The following TDRD1 variants were observed in gnomAD, a reference collection of about 807,000 sequenced individuals.
The protein encoded by TDRD1 is tudor domain-containing protein 1.
TDRD1 carries 37 observed loss-of-function variants against 140.6 expected under a neutral mutation model. That is an observed-to-expected ratio of 0.26 (90% confidence interval 0.20 to 0.35). The LOEUF (loss-of-function observed/expected upper bound fraction) is 0.35, where lower values mean the gene tolerates loss of function less well. Ranked by LOEUF, TDRD1 falls within the 10% of genes least tolerant of loss-of-function variation. The pLI, the probability that TDRD1 is intolerant of heterozygous loss-of-function variation, is 1.00. For synonymous variants in TDRD1, 506 were observed against 475.7 expected (o/e 1.06, Z -0.83); for missense variants, 1,243 against 1,393.0 (o/e 0.89, Z 1.71).
At chr10:114,227,442 C>A in intron 23 of TDRD1, 143 bp downstream of exon 23, 3 of 672,454 alleles carry the variant, frequency 4.5e-6, no homozygotes, top group Non-Finnish European at 5.1e-6. Context: ...GTTCTGATTC[C>A]TGTGGCTGCC....
chr10:114,217,831 A>T (rs1413941236), intron 17 of TDRD1, among the ~76,000 whole-genome samples, 176 bp downstream of exon 17: 8 of 152,214 alleles, frequency 5.3e-5, no homozygotes, highest in Non-Finnish European at 1.0e-4. Flanking sequence ...CTTACAAGTG[A>T]TACTTTCTTG....
At chr10:114,201,197 A>C (rs557282828) in intron 4 of TDRD1, among the ~76,000 whole-genome samples, 2 of 152,184 alleles carry the variant, frequency 1.3e-5, no homozygotes, top group East Asian at 1.9e-4. Context: ...TCTATTAGGA[A>C]ACTCAGTTAT....
upstream of TDRD1, among the ~76,000 whole-genome samples, chr10:114,176,361 C>G (rs983472665): frequency 6.6e-6 from 1 of 151,380 alleles, no homozygotes; most frequent in African/African-American, 2.4e-5. This position sits in a 1 kb window ranked among gnomAD's most constrained non-coding sequence, Gnocchi z 4.2. Flanking sequence ...AAAGAGAAAC[C>G]CCTTTTTAAA....
intron 17 of TDRD1, 58 bp from the exon 18 acceptor site, chr10:114,218,356 A>T (rs2035942519): frequency 2.4e-6 from 3 of 1,244,128 alleles, no homozygotes; most frequent in African/African-American, 3.1e-5. Context: ...CAAGATAAGT[A>T]TTTCAAGTGT....
At chr10:114,227,634 A>G (rs1425397825) in intron 23 of TDRD1, among the ~76,000 whole-genome samples, 1 of 152,212 alleles carries the variant, frequency 6.6e-6, no homozygotes, top group African/African-American at 2.4e-5. Context: ...TTGAGATTCC[A>G]TCTTCCTGGT....
intron 3 of TDRD1, among the ~76,000 whole-genome samples, chr10:114,196,079 A>G (rs934699645): frequency 1.3e-5 from 2 of 152,166 alleles, no homozygotes; most frequent in African/African-American, 4.8e-5. Context: ...ACAGTTTATC[A>G]TTTTTGCTCA....
At chr10:114,211,457 G>A (rs1047528984) in intron 13 of TDRD1, among the ~76,000 whole-genome samples, 17 of 152,166 alleles carry the variant, frequency 1.1e-4, no homozygotes, top group African/African-American at 3.1e-4. Context: ...AAGGGGAGAC[G>A]CAGTAATCCT....
At chr10:114,208,617 A>G (rs1234087405) in intron 11 of TDRD1, among the ~76,000 whole-genome samples, 2 of 152,110 alleles carry the variant, frequency 1.3e-5, no homozygotes, top group Non-Finnish European at 2.9e-5. Flanking sequence ...CTCTTGTGCT[A>G]TTTATGACAC....
chr10:114,193,289 CTTTTTTTT>C (rs1170053036), intron 3 of TDRD1, among the ~76,000 whole-genome samples: 1 of 83,684 alleles, frequency 1.2e-5, no homozygotes, highest in East Asian at 3.1e-4. Flanking sequence ...TTGCTGAAGT[CTTTTTTTT>C]TTTTTTTTTT....
chr10:114,206,269 A>G (rs1307761672), exon 11 of TDRD1: 1 of 1,613,650 alleles, frequency 6.2e-7, no homozygotes, highest in South Asian at 1.1e-5. Flanking sequence ...ATGTGCTTAT[A>G]GAAATGGGAT....
Position 114,226,116 on chromosome 10 carries a change from A to G in TDRD1, c.3075A>G (p.Ala1025=), listed in dbSNP as rs138115541. Residue 1025 remains alanine, a synonymous_variant, in exon 22 of 26, where the codon GCA becomes GCG. Transcript: ENST00000251864. ...ACACTGATGTGGAAGTGCTCTATGC[A>G]GACTATGGAAACATTGAAACCCTGC... 3.2e-3 allele frequency: 5,237 copies of G among 1,613,994 alleles called. 18 individuals carry two copies. The highest frequency in any genetic ancestry group is 3.6e-3 in the Non-Finnish European group (4,242 of 1,179,854).
At chr10:114,192,366 C>T (rs1002835036) in intron 3 of TDRD1, among the ~76,000 whole-genome samples, 5 of 133,604 alleles carry the variant, frequency 3.7e-5, no homozygotes, top group East Asian at 2.2e-4. Flanking sequence ...TGCAGTGGCG[C>T]GATCTCGGCT....
At chr10:114,213,204 C>T in intron 14 of TDRD1, 142 bp from the exon 15 acceptor site, 1 of 759,130 alleles carries the variant, frequency 1.3e-6, no homozygotes, top group Non-Finnish European at 2.0e-6. Flanking sequence ...ATTATGCATT[C>T]ATTTTTATGT....
intron 4 of TDRD1, among the ~76,000 whole-genome samples, chr10:114,200,935 A>C (rs1458313150): frequency 7.0e-6 from 1 of 143,676 alleles, no homozygotes; most frequent in Non-Finnish European, 1.5e-5. Context: ...AGCTCACTGC[A>C]ACCTCTGCCT....
At chr10:114,198,072 T>G (rs1235743824) in intron 3 of TDRD1, among the ~76,000 whole-genome samples, 1 of 152,164 alleles carries the variant, frequency 6.6e-6, no homozygotes, top group Non-Finnish European at 1.5e-5. Context: ...CAGCCTCTGA[T>G]ATTCAACTCG....
At chr10:114,180,656 G>T (rs1182307789) in intron 1 of TDRD1, among the ~76,000 whole-genome samples, 1 of 152,082 alleles carries the variant, frequency 6.6e-6, no homozygotes, top group Non-Finnish European at 1.5e-5. Flanking sequence ...GTAGAGACAG[G>T]GTTTCACCAT....
At chr10:114,197,381 T>G (rs1368685165) in intron 3 of TDRD1, among the ~76,000 whole-genome samples, 2 of 152,224 alleles carry the variant, frequency 1.3e-5, no homozygotes, top group African/African-American at 4.8e-5. Flanking sequence ...GTATTTTTGT[T>G]ATACTTTTCA....
At chr10:114,178,006 T>A (rs954728861), upstream of TDRD1, among the ~76,000 whole-genome samples, 5 of 151,686 alleles carry the variant, frequency 3.3e-5, no homozygotes, top group African/African-American at 1.2e-4. Context: ...CTAATTTTTT[T>A]TTATTTTTTT....
chr10:114,188,243 C>T, intron 2 of TDRD1, 87 bp downstream of exon 2: 1 of 1,185,880 alleles, frequency 8.4e-7, no homozygotes, highest in Non-Finnish European at 1.2e-6. Context: ...CACCAGTGGG[C>T]TATTAGCAGA....
Sources: gnomAD v4.1 joint callset for allele counts (sites outside exome capture counted in the v4.1 genomes callset) on GRCh38, gnomAD v4.1.1 for gene constraint, Gnocchi (gnomAD v3.1) non-coding constraint, MANE v1.5 for transcripts, NCBI Gene and HGNC (gene_info 2026-07-23, HGNC 2026-07-21) for gene names.